Variants in ASCC3 observed in about 807,000 individuals in gnomAD.
ASCC3 encodes the protein ASC-1 complex subunit P200.
Under a neutral mutation model 256.3 loss-of-function variants are expected in ASCC3, and 158 were observed. The ratio of observed to expected loss-of-function variants is 0.62; its 90% CI spans 0.54 to 0.70. The LOEUF is 0.70. Among genes scored for constraint, ASCC3 ranks in the 30% least tolerant of loss-of-function variants. The pLI, the probability that ASCC3 is intolerant of heterozygous loss-of-function variation, is 0.00. For missense variants in ASCC3, 2,259 were observed against 2,626.0 expected, an observed-to-expected ratio of 0.86 and a Z score of 3.05; for synonymous variants, 948 against 883.4, an observed-to-expected ratio of 1.07 and a Z score of -1.30.
At chr6:100,584,497 G>A (rs1263773509) in intron 36 of ASCC3, among the ~76,000 whole-genome samples, 1 of 152,060 alleles carries the variant, frequency 6.6e-6, no homozygotes, top group Non-Finnish European at 1.5e-5. Context: ...CGTGAGATGG[G>A]TTTCCTGAAC....
intron 5 of ASCC3, among the ~76,000 whole-genome samples, chr6:100,801,923 G>C (rs2114349988): frequency 6.7e-6 from 1 of 149,406 alleles, no homozygotes; most frequent in Admixed American, 6.7e-5. Flanking sequence ...GAATGTTAAA[G>C]ATTTTAAGCG....
intron 30 of ASCC3, among the ~76,000 whole-genome samples, chr6:100,607,484 A>G (rs934131450): frequency 9.6e-5 from 14 of 146,238 alleles, no homozygotes; most frequent in Non-Finnish European, 1.3e-4. Context: ...AAAATAGTGG[A>G]AAAAAAAAAT....
chr6:100,623,632 A>C (rs768256715), intron 30 of ASCC3, among the ~76,000 whole-genome samples: 77 of 152,170 alleles, frequency 5.1e-4, no homozygotes, highest in South Asian at 1.0e-3. Context: ...GGGAACACTG[A>C]AGAGGGTTGG....
At chr6:100,556,015 A>G (rs1273686615) in intron 36 of ASCC3, among the ~76,000 whole-genome samples, 1 of 152,144 alleles carries the variant, frequency 6.6e-6, no homozygotes, top group Admixed American at 6.6e-5. Flanking sequence ...CAAATGAAAA[A>G]GCCAAATAAT....
At chr6:100,707,700 T>A (rs1193404058) in intron 13 of ASCC3, among the ~76,000 whole-genome samples, 2 of 152,118 alleles carry the variant, frequency 1.3e-5, no homozygotes, top group Non-Finnish European at 2.9e-5. Flanking sequence ...TATTTAAAAT[T>A]AAGAATCCTT....
At chr6:100,546,455 C>T (rs939063705) in intron 36 of ASCC3, among the ~76,000 whole-genome samples, 1 of 152,080 alleles carries the variant, frequency 6.6e-6, no homozygotes. Context: ...AGAGCTAGCC[C>T]TACATTATTT....
chr6:100,669,242 CTT>C (rs1312439394), intron 14 of ASCC3, among the ~76,000 whole-genome samples: 9 of 148,088 alleles, frequency 6.1e-5, no homozygotes, highest in African/African-American at 2.2e-4. Context: ...ATATATTTTT[CTT>C]TTCTTTCATT....
At chr6:100,833,954 T>C (rs536748036) in intron 4 of ASCC3, among the ~76,000 whole-genome samples, 1 of 152,266 alleles carries the variant, frequency 6.6e-6, no homozygotes, top group African/African-American at 2.4e-5. Context: ...GGTGCGTGCC[T>C]GTAATCCCAG....
chr6:100,622,297 T>C (rs967084106), intron 30 of ASCC3, among the ~76,000 whole-genome samples: 3 of 152,120 alleles, frequency 2.0e-5, no homozygotes, highest in Non-Finnish European at 4.4e-5. Flanking sequence ...AATTGAATCA[T>C]GGGGGCCGTT....
intron 8 of ASCC3, 114 bp from the exon 9 acceptor site, chr6:100,767,459 C>G: frequency 9.3e-7 from 1 of 1,071,346 alleles, no homozygotes. Context: ...CTAATTTGTA[C>G]TTTCACAATG....
At chr6:100,856,456 T>C (rs78942177) in intron 3 of ASCC3, 52,614 of 924,590 alleles carry the variant, frequency 0.057, 1,663 homozygotes, top group Admixed American at 0.11. Context: ...TCTTATTTAA[T>C]CTATGTAATA....
chr6:100,711,140 A>G (rs1562242214), intron 13 of ASCC3, among the ~76,000 whole-genome samples: 2 of 152,026 alleles, frequency 1.3e-5, no homozygotes, highest in Admixed American at 6.5e-5. Context: ...GTTCCATACT[A>G]AAGTACCAGG....
At chr6:100,676,623 A>G (rs769565697) in intron 14 of ASCC3, among the ~76,000 whole-genome samples, 1 of 152,174 alleles carries the variant, frequency 6.6e-6, no homozygotes, top group Non-Finnish European at 1.5e-5. Context: ...GATATTAAAG[A>G]TCAATATTAT....
intron 13 of ASCC3, 97 bp from the exon 14 acceptor site, chr6:100,679,849 T>A: frequency 1.5e-6 from 2 of 1,339,248 alleles, no homozygotes; most frequent in Admixed American, 3.6e-5. Context: ...ACTATTAATT[T>A]CTCAAAACAT....
intron 37 of ASCC3, among the ~76,000 whole-genome samples, chr6:100,524,606 T>A (rs1420910283): frequency 6.6e-6 from 1 of 152,100 alleles, no homozygotes; most frequent in Non-Finnish European, 1.5e-5. Flanking sequence ...AAAATCTAGC[T>A]CTAAGGCTCA....
chr6:100,670,431 A>G (rs1582667388), intron 14 of ASCC3, among the ~76,000 whole-genome samples: 1 of 151,928 alleles, frequency 6.6e-6, no homozygotes, highest in African/African-American at 2.4e-5. Context: ...CTGCCTGTAT[A>G]CTTTAAATCA....
At chr6:100,675,831 T>C (rs1186660387) in intron 14 of ASCC3, among the ~76,000 whole-genome samples, 1 of 152,144 alleles carries the variant, frequency 6.6e-6, no homozygotes, top group East Asian at 1.9e-4. Context: ...ACTCAATCCC[T>C]ATGAGAACAG....
chr6:100,617,565 C>A (rs548610821), intron 30 of ASCC3, among the ~76,000 whole-genome samples: 1 of 152,058 alleles, frequency 6.6e-6, no homozygotes, highest in Non-Finnish European at 1.5e-5. Flanking sequence ...CCTCCTTGCC[C>A]CCCTCATTTG....
At chr6:100,694,202 C>T (rs1022365380) in intron 13 of ASCC3, among the ~76,000 whole-genome samples, 1 of 151,892 alleles carries the variant, frequency 6.6e-6, no homozygotes, top group Non-Finnish European at 1.5e-5. Context: ...GTAGGTGGCT[C>T]CTGCCTTTAA....
Sources: allele counts gnomAD v4.1 joint callset (sites outside exome capture counted in the v4.1 genomes callset), GRCh38; gene constraint gnomAD v4.1.1; transcripts MANE v1.5; gene names NCBI Gene and HGNC (gene_info 2026-07-23, HGNC 2026-07-21).